Variants in ATP10B observed in about 807,000 individuals in gnomAD.
ATP10B encodes phospholipid-transporting ATPase VB.
In ATP10B, 122 loss-of-function variants were observed where a neutral mutation model predicts 141.2. That is an observed-to-expected ratio of 0.86 (90% confidence interval 0.75 to 1.00). The LOEUF is 1.00. Ranked by LOEUF, ATP10B falls within the 50% of genes least tolerant of loss-of-function variation. ATP10B has a pLI of 0.00. For synonymous variants in ATP10B, 685 were observed against 692.0 expected, an observed-to-expected ratio of 0.99 and a Z score of 0.16; for missense variants, 1,876 against 1,825.3, an observed-to-expected ratio of 1.03 and a Z score of -0.51.
intron 3 of ATP10B, among the ~76,000 whole-genome samples, chr5:160,704,321 A>G (rs1764852374): frequency 6.6e-6 from 1 of 152,050 alleles, no homozygotes; most frequent in African/African-American, 2.4e-5. Context: ...CTTCCCAAAG[A>G]GTTGGGATTA....
chr5:160,878,516 G>A, the ATP10B span, among the ~76,000 whole-genome samples: 274 of 152,226 alleles, frequency 1.8e-3, no homozygotes, highest in African/African-American at 6.4e-3. Context: ...AATGGCAACA[G>A]AAGACAAAAT....
intron 2 of ATP10B, among the ~76,000 whole-genome samples, chr5:160,717,444 G>A (rs1765726995): frequency 6.6e-6 from 1 of 152,084 alleles, no homozygotes; most frequent in Admixed American, 6.5e-5. Flanking sequence ...TCTTCCTGTA[G>A]AAAAAGGTCT....
chr5:160,596,605 C>T (rs1249779468), intron 22 of ATP10B, among the ~76,000 whole-genome samples: 1 of 149,052 alleles, frequency 6.7e-6, no homozygotes, highest in Admixed American at 6.7e-5. Context: ...GTCAAATTGT[C>T]CCTGTTTGCA....
chr5:160,795,182 C>T (rs904080325), intron 1 of ATP10B, among the ~76,000 whole-genome samples: 1 of 152,120 alleles, frequency 6.6e-6, no homozygotes, highest in Non-Finnish European at 1.5e-5. Context: ...CAAAAAAAAT[C>T]CTTAATCAAA....
intron 1 of ATP10B, among the ~76,000 whole-genome samples, chr5:160,835,707 G>C (rs965516298): frequency 1.3e-5 from 2 of 152,132 alleles, no homozygotes; most frequent in South Asian, 4.1e-4. Context: ...GTACATGTTT[G>C]TATAATGTCT....
At chr5:160,820,629 G>GA (rs71285016) in intron 1 of ATP10B, among the ~76,000 whole-genome samples, 20,303 of 152,008 alleles carry the variant, frequency 0.13, 1,458 homozygotes, top group African/African-American at 0.17. Flanking sequence ...GAATATTGAT[G>GA]AAAAAATCCT....
At chr5:160,741,178 C>G (rs978351921) in intron 2 of ATP10B, among the ~76,000 whole-genome samples, 2 of 152,284 alleles carry the variant, frequency 1.3e-5, no homozygotes, top group East Asian at 3.9e-4. Context: ...ACATCACTGG[C>G]TGTCAGCTTC....
rs1561701489 is a variant in ATP10B, at chr5:160,652,895, A to AATATATTATATATACATGTAT, written c.676-3660_676-3640dup. On this transcript the variant is annotated intron_variant, in intron 7 of 25. Coordinates refer to ENST00000327245, the MANE Select transcript of ATP10B (RefSeq NM_025153.3). ...ATATATAATATATATATAATTATATAATATATTATATATACATGTATATAT... is the reference window on the plus strand; with the variant it reads ...ATATATAATATATATATAATTATATAATATATTATATATACATGTATATATATTATATATACATGTATATAT... Among the ~76,000 whole-genome samples, 7 of 68,194 alleles carry AATATATTATATATACATGTAT rather than the reference A, an allele frequency of 1.0e-4. No individual in the cohort carries two copies. The East Asian group carries it at 1.2e-3, about 12-fold the overall frequency. The allele number at this position is 68,194 out of a possible 152,430, so 44.7% of individuals were successfully genotyped here.
chr5:160,636,246 C>T lies in ATP10B; in HGVS notation c.1064G>A (p.Gly355Asp), dbSNP rs759286542. 3.1e-6 allele frequency: 5 copies of T among 1,613,624 alleles called. No homozygotes were observed. Among genetic ancestry groups the T allele is most frequent in the South Asian group, 1.1e-5 (1 of 90,966 alleles). ...CCCAAGGGCACTGGGAAGGAAGCTG[C>T]CATTGGCATCTGGCACATCGAAGGG... is the stretch of plus-strand genomic sequence containing the variant. Reference protein sequence around the residue: ...HPPFDVPDANGSFLPSALGGF... With the variant: ...HPPFDVPDANDSFLPSALGGF... Residue 355 changes from glycine (G) to aspartate (D), a missense_variant, in exon 11 of 26, where the codon GGC becomes GAC. Coordinates refer to ENST00000327245, the MANE Select transcript of ATP10B (RefSeq NM_025153.3).
the ATP10B span, among the ~76,000 whole-genome samples, chr5:160,879,246 T>G: frequency 3.6e-5 from 2 of 56,060 alleles, no homozygotes; most frequent in African/African-American, 1.4e-4. Flanking sequence ...GGGACATGGA[T>G]GAAATTGGAA....
At chr5:160,805,553 G>A (rs1772711739) in intron 1 of ATP10B, among the ~76,000 whole-genome samples, 1 of 152,106 alleles carries the variant, frequency 6.6e-6, no homozygotes, top group African/African-American at 2.4e-5. Context: ...ACACTAACTG[G>A]GTCACGCTCA....
intron 10 of ATP10B, among the ~76,000 whole-genome samples, 165 bp downstream of exon 10, chr5:160,640,296 C>A (rs1313068977): frequency 6.6e-6 from 1 of 152,204 alleles, no homozygotes; most frequent in Non-Finnish European, 1.5e-5. Flanking sequence ...ACACATACTA[C>A]TTTTAGGAGA....
chr5:160,861,232 G>A, the ATP10B span, among the ~76,000 whole-genome samples: 1 of 151,772 alleles, frequency 6.6e-6, no homozygotes, highest in Non-Finnish European at 1.5e-5. Flanking sequence ...TGGCTGAATA[G>A]TAAGGAAGAA....
At chr5:160,891,859 G>A in the ATP10B span, among the ~76,000 whole-genome samples, 5 of 152,260 alleles carry the variant, frequency 3.3e-5, no homozygotes, top group African/African-American at 1.2e-4. Context: ...TTTTGTAAAT[G>A]GGGAAATTAT....
chr5:160,750,617 T>C (rs1320102210), intron 2 of ATP10B, among the ~76,000 whole-genome samples: 4 of 152,236 alleles, frequency 2.6e-5, no homozygotes, highest in Non-Finnish European at 5.9e-5. Flanking sequence ...ACTGTTTGGC[T>C]ACAGAACCAT....
At chr5:160,773,727 G>T (rs754597087) in intron 2 of ATP10B, among the ~76,000 whole-genome samples, 19 of 152,072 alleles carry the variant, frequency 1.2e-4, no homozygotes, top group Non-Finnish European at 2.5e-4. Context: ...GGCAAGTTCT[G>T]GGTGAAAGAG....
intron 18 of ATP10B, among the ~76,000 whole-genome samples, chr5:160,609,062 T>C (rs1757564481): frequency 6.6e-6 from 1 of 152,226 alleles, no homozygotes; most frequent in Admixed American, 6.5e-5. Context: ...TTTATGGTTT[T>C]AGGTCTAACA....
chr5:160,915,802 C>T, the ATP10B span, among the ~76,000 whole-genome samples: 6 of 152,248 alleles, frequency 3.9e-5, no homozygotes, highest in Middle Eastern at 3.4e-3. Context: ...AACAGACATT[C>T]GTCCCACACA....
intron 2 of ATP10B, among the ~76,000 whole-genome samples, chr5:160,767,641 C>CCCCAG (rs1554113861): frequency 8.8e-6 from 1 of 114,194 alleles, no homozygotes; most frequent in East Asian, 2.7e-4. Context: ...CAGAACCCCC[C>CCCCAG]CCCCCAAAAT....
Sources: allele counts gnomAD v4.1 joint callset (sites outside exome capture counted in the v4.1 genomes callset), GRCh38; gene constraint gnomAD v4.1.1; transcripts MANE v1.5; gene names NCBI Gene and HGNC (gene_info 2026-07-23, HGNC 2026-07-21).